ADCY8: variants seen among roughly 807,000 people sequenced by gnomAD.
ADCY8 encodes the protein adenylate cyclase type 8.
A neutral mutation model predicts 119.7 loss-of-function variants in ADCY8; 51 were observed. That is an observed-to-expected ratio of 0.43 (90% CI 0.34 to 0.54). The LOEUF (loss-of-function observed/expected upper bound fraction) is 0.54. Ranked by LOEUF, ADCY8 falls within the 20% of genes least tolerant of loss-of-function variation. The pLI is 0.03. For synonymous variants in ADCY8, 665 were observed against 651.0 expected, an observed-to-expected ratio of 1.02 and a Z score of -0.33; for missense variants, 1,383 against 1,598.8, an observed-to-expected ratio of 0.87 and a Z score of 2.30.
intron 1 of ADCY8, among the ~76,000 whole-genome samples, chr8:131,022,408 T>G (rs1459744187): frequency 6.6e-6 from 1 of 152,188 alleles, no homozygotes; most frequent in African/African-American, 2.4e-5. Flanking sequence ...TTGCTGAGAA[T>G]GAAGGTTTCC....
intron 2 of ADCY8, among the ~76,000 whole-genome samples, chr8:130,957,025 C>T (rs944829176): frequency 2.6e-5 from 4 of 152,140 alleles, no homozygotes; most frequent in South Asian, 2.1e-4. Flanking sequence ...GGGACTGGGG[C>T]GTTGCTGAAA....
chr8:130,956,671 G>A (rs1183681144), intron 2 of ADCY8, among the ~76,000 whole-genome samples: 2 of 152,136 alleles, frequency 1.3e-5, no homozygotes, highest in Non-Finnish European at 2.9e-5. Context: ...ATCTTAAATT[G>A]TACTCCCATA....
chr8:130,843,927 G>A (rs1413344250), intron 11 of ADCY8, among the ~76,000 whole-genome samples: 1 of 152,174 alleles, frequency 6.6e-6, no homozygotes, highest in Non-Finnish European at 1.5e-5. Flanking sequence ...ACCTGAAGGA[G>A]TTGGGCCTGT....
intron 3 of ADCY8, among the ~76,000 whole-genome samples, chr8:130,950,979 C>G (rs959095843): frequency 1.3e-5 from 2 of 152,126 alleles, no homozygotes; most frequent in East Asian, 3.9e-4. Flanking sequence ...ATTACAGGCG[C>G]GAGCGACCGT....
intron 1 of ADCY8, among the ~76,000 whole-genome samples, chr8:131,033,309 A>C (rs1824050405): frequency 6.6e-6 from 1 of 152,222 alleles, no homozygotes; most frequent in African/African-American, 2.4e-5. Context: ...CCTCTGATTA[A>C]ATGTTGCTAG....
At chr8:130,814,831 T>TTA (rs1334451870) in intron 13 of ADCY8, among the ~76,000 whole-genome samples, 3 of 152,182 alleles carry the variant, frequency 2.0e-5, no homozygotes, top group Non-Finnish European at 4.4e-5. Flanking sequence ...CATATGGGGA[T>TTA]TATTATAATT....
intron 15 of ADCY8, among the ~76,000 whole-genome samples, chr8:130,789,340 G>A (rs1449819907): frequency 6.6e-6 from 1 of 152,134 alleles, no homozygotes; most frequent in Non-Finnish European, 1.5e-5. Context: ...CTCCTCTGAG[G>A]AAGCTTCGTG....
chr8:130,844,540 G>T (rs1009722216), intron 11 of ADCY8, among the ~76,000 whole-genome samples: 11 of 152,198 alleles, frequency 7.2e-5, no homozygotes, highest in Admixed American at 3.9e-4. Flanking sequence ...CAAAGATGAA[G>T]CGATTTGCTT....
chr8:130,804,317 G>C (rs1815876303), intron 14 of ADCY8, among the ~76,000 whole-genome samples: 1 of 152,156 alleles, frequency 6.6e-6, no homozygotes. Flanking sequence ...TGCAGATGCT[G>C]TCTTCCCTGT....
At chr8:130,847,646 C>T (rs1368122489) in intron 10 of ADCY8, 133 bp from the exon 11 acceptor site, 3 of 656,138 alleles carry the variant, frequency 4.6e-6, no homozygotes, top group Non-Finnish European at 5.2e-6. Flanking sequence ...AGACTGAACC[C>T]TAGAGGGGAC....
chr8:130,903,457 A>T (rs1586554878), intron 7 of ADCY8, among the ~76,000 whole-genome samples: 1 of 115,632 alleles, frequency 8.6e-6, no homozygotes. Context: ...TTTTTCCAAC[A>T]TGAGTGGTTT....
intron 5 of ADCY8, among the ~76,000 whole-genome samples, chr8:130,916,851 G>T (rs759771867): frequency 1.3e-5 from 2 of 152,190 alleles, no homozygotes; most frequent in African/African-American, 2.4e-5. Context: ...GTAAATCTCT[G>T]TTCGGGGCTC....
intron 7 of ADCY8, among the ~76,000 whole-genome samples, chr8:130,897,740 T>G (rs77570248): frequency 9.3e-4 from 1 of 1,074 alleles, no homozygotes; most frequent in East Asian, 0.056. Context: ...ATACAACACA[T>G]GCAACATATA....
Position 130,836,363 on chromosome 8 carries a change from C to T in ADCY8, c.2589G>A (p.Leu863=). Residue 863 remains leucine, a synonymous_variant, in exon 12 of 18, where the codon CTG becomes CTA. Transcript: ENST00000286355. ...GCAGGGCATAGATGGCAATCATGAT[C>T]AGCAGCACTGCCAGCTTCAGGACGG... ...LNSVLKLAVL[L]IMIAIYALLT... is the part of the protein sequence containing the mutation. 1.2e-6 allele frequency: 2 copies of T among 1,614,010 alleles called. No individual in the cohort carries two copies. Among genetic ancestry groups the T allele is most frequent in the Non-Finnish European group, 1.7e-6 (2 of 1,179,934 alleles).
chr8:130,824,031 T>G (rs1302231969), intron 12 of ADCY8, among the ~76,000 whole-genome samples: 1 of 152,176 alleles, frequency 6.6e-6, no homozygotes, highest in African/African-American at 2.4e-5. Flanking sequence ...AGGTAGAGAC[T>G]GAGGCCCACG....
At chr8:130,867,990 G>T in intron 8 of ADCY8, 44 bp from the exon 9 acceptor site, 2 of 1,367,234 alleles carry the variant, frequency 1.5e-6, no homozygotes, top group Non-Finnish European at 2.1e-6. Flanking sequence ...GCAGCAGAGT[G>T]CAGTGTTTGA....
At chr8:130,868,008 G>A in intron 8 of ADCY8, 62 bp from the exon 9 acceptor site, 8 of 1,066,096 alleles carry the variant, frequency 7.5e-6, no homozygotes, top group African/African-American at 1.6e-5. Flanking sequence ...TGAGGTTGAG[G>A]GAAACATCAA....
chr8:130,877,391 C>G (rs898103320), intron 8 of ADCY8, among the ~76,000 whole-genome samples: 1 of 152,132 alleles, frequency 6.6e-6, no homozygotes. Flanking sequence ...AGAATCCAAA[C>G]CAAGCATACT....
intron 12 of ADCY8, among the ~76,000 whole-genome samples, chr8:130,826,416 T>G (rs758011125): frequency 1.3e-5 from 2 of 152,080 alleles, no homozygotes; most frequent in African/African-American, 4.8e-5. Context: ...CTAAAACAAT[T>G]TTAGGTCAGA....
Sources: gnomAD v4.1 joint callset for allele counts (sites outside exome capture counted in the v4.1 genomes callset) on GRCh38, gnomAD v4.1.1 for gene constraint, MANE v1.5 for transcripts, NCBI Gene and HGNC (gene_info 2026-07-23, HGNC 2026-07-21) for gene names.